The following PRMT8 variants were observed in gnomAD, a reference collection of about 807,000 sequenced individuals.
The protein encoded by PRMT8 is protein arginine N-methyltransferase 8.
Under a neutral mutation model 47.1 loss-of-function variants are expected in PRMT8, and 7 were observed. That is an observed-to-expected ratio of 0.15 (90% CI 0.08 to 0.28). The LOEUF (loss-of-function observed/expected upper bound fraction) is 0.28. Among genes scored for constraint, PRMT8 ranks in the 10% least tolerant of loss-of-function variants. The pLI, the probability that PRMT8 is intolerant of heterozygous loss-of-function variation, is 1.00. For missense variants in PRMT8, 237 were observed against 505.4 expected (o/e 0.47, Z 5.09); for synonymous variants, 188 against 186.5 (o/e 1.01, Z -0.07).
chr12:3,497,233 A>T (rs1865524307), intron 1 of PRMT8, among the ~76,000 whole-genome samples: 1 of 152,148 alleles, frequency 6.6e-6, no homozygotes, highest in African/African-American at 2.4e-5. Flanking sequence ...TGCTGTTGTG[A>T]ACTGGCTTAG....
At chr12:3,587,140 C>T (rs1867195468) in intron 8 of PRMT8, among the ~76,000 whole-genome samples, 1 of 150,396 alleles carries the variant, frequency 6.6e-6, no homozygotes, top group Non-Finnish European at 1.5e-5. Context: ...CATTATTGGA[C>T]CATTCATGGT....
chr12:3,476,039 T>C (rs1419072422), intron 1 of PRMT8, among the ~76,000 whole-genome samples: 3 of 152,234 alleles, frequency 2.0e-5, no homozygotes, highest in Admixed American at 6.5e-5. Flanking sequence ...GACACCTTTA[T>C]AGAGGGACAA....
Position 3,428,894 on chromosome 12 carries a change from GTCTC to G in PRMT8, c.48+47458_48+47461del, listed in dbSNP as rs558747880. Among the ~76,000 whole-genome samples the G allele has an allele frequency of 1.3e-4, 18 of 143,198 alleles. No homozygotes were observed. In the East Asian group the frequency reaches 3.7e-3, roughly 29 times the overall value. The allele number at this position is 143,198 out of a possible 152,430, so 93.9% of individuals were successfully genotyped here. On this transcript the variant is annotated intron_variant, in intron 1 of 9. Coordinates refer to the PRMT8 transcript ENST00000452611. Reference sequence around the variant, plus strand: ...TCTCTGTCTCTTACTCTCTCCGCCTGTCTCTCTCTATCTCTCTTTCCTTGACTCC... The same window carrying G: ...TCTCTGTCTCTTACTCTCTCCGCCTGTCTCTATCTCTCTTTCCTTGACTCC...
chr12:3,515,660 C>T (rs532975041), intron 1 of PRMT8, among the ~76,000 whole-genome samples: 1 of 152,354 alleles, frequency 6.6e-6, no homozygotes, highest in East Asian at 1.9e-4. Context: ...GCACAGAACC[C>T]ACCCACATGC....
Position 3,493,191 on chromosome 12 carries a change from G to T in PRMT8, c.75+1491G>T, listed in dbSNP as rs868853569. On this transcript the variant is annotated intron_variant, in intron 1 of 9. Coordinates refer to ENST00000382622, the MANE Select transcript of PRMT8 (RefSeq NM_019854.5). The surrounding 1 kb of genome is among the most constrained non-coding windows in gnomAD (Gnocchi z 8.2). ...CTCCTTGAGTTAGGGCAAAGCCTGC[G>T]TGCCCGCCGTCCCCTCACCACTTCC... 6.6e-6 allele frequency among the ~76,000 whole-genome samples: 1 copy of T among 152,188 alleles called. No homozygotes were observed. Among genetic ancestry groups the T allele is most frequent in the Non-Finnish European group, 1.5e-5 (1 of 68,034 alleles).
chr12:3,547,714 G>A (rs997913465), intron 2 of PRMT8, among the ~76,000 whole-genome samples: 5 of 152,294 alleles, frequency 3.3e-5, no homozygotes, highest in Admixed American at 3.3e-4. Flanking sequence ...GAATGGAAAT[G>A]TAAGACCTTT....
rs34278124 is a variant in PRMT8 at position 3,568,347 on chromosome 12, TAA to T, written c.482-348_482-347del. Among the ~76,000 whole-genome samples the T allele has an allele frequency of 3.5e-4, 52 of 146,750 alleles. 1 individual carries two copies. The South Asian group carries it at 3.9e-3, about 11-fold the overall frequency. The stretch of plus-strand genomic sequence containing the variant: ...GGGAGGCAGGCACACTTGGTGTAAA[TAA>T]AAAAAAAAAATCTGCGTGTTCGTGG... On this transcript the variant is annotated intron_variant, in intron 4 of 9. Coordinates refer to ENST00000382622, the MANE Select transcript of PRMT8 (RefSeq NM_019854.5).
chr12:3,461,714 G>A (rs943109169), intron 1 of PRMT8, among the ~76,000 whole-genome samples: 3 of 150,156 alleles, frequency 2.0e-5, no homozygotes, highest in Admixed American at 6.6e-5. Flanking sequence ...GGGGCCATTC[G>A]TTTATTTACT....
At chr12:3,464,848 C>G (rs1049670002) in intron 1 of PRMT8, among the ~76,000 whole-genome samples, 4 of 152,018 alleles carry the variant, frequency 2.6e-5, no homozygotes, top group African/African-American at 9.7e-5. Context: ...GCTATGAAAC[C>G]TGACTCCTGC....
intron 1 of PRMT8, among the ~76,000 whole-genome samples, 190 bp downstream of exon 1, chr12:3,491,890 T>TGTGTG (rs1865415257): frequency 1.0e-4 from 1 of 9,730 alleles, no homozygotes; most frequent in Admixed American, 1.2e-3. Context: ...GTGTGTGTGT[T>TGTGTG]GGTGGGGGGT....
chr12:3,588,062 G>A (rs1237785156), intron 8 of PRMT8, among the ~76,000 whole-genome samples: 1 of 152,164 alleles, frequency 6.6e-6, no homozygotes, highest in Admixed American at 6.5e-5. Flanking sequence ...CAGGTGGAAG[G>A]GCAGGAGCCC....
Position 3,394,319 on chromosome 12 carries a change from C to A in PRMT8, c.48+12877C>A, listed in dbSNP as rs553220404. Among the ~76,000 whole-genome samples, 4 of 152,284 alleles carry A rather than the reference C, an allele frequency of 2.6e-5. No homozygotes were observed. In the East Asian group the frequency reaches 7.7e-4, roughly 29 times the overall value. ...TCAAAGGGAATGCTTCCAGTTTTTG[C>A]CCACTCAGTATGATATTGGCTGTGG... On this transcript the variant is annotated intron_variant, in intron 1 of 9. Transcript: ENST00000452611.
intron 4 of PRMT8, among the ~76,000 whole-genome samples, chr12:3,558,996 A>ATCTATCTATCTG: frequency 6.7e-6 from 1 of 148,414 alleles, no homozygotes; most frequent in Middle Eastern, 3.5e-3. Flanking sequence ...CTATCTGTCT[A>ATCTATCTATCTG]TCTATCCTGT....
rs559068689 is a variant in PRMT8 at position 3,514,582 on chromosome 12, A to C, written c.75+22882A>C. 2.0e-5 allele frequency among the ~76,000 whole-genome samples: 3 copies of C among 152,290 alleles called. No homozygotes were observed. Among genetic ancestry groups the C allele is most frequent in the East Asian group, 3.9e-4 (2 of 5,176 alleles). On this transcript the variant is annotated intron_variant, in intron 1 of 9. Transcript: ENST00000382622. This position sits in a 1 kb window ranked among gnomAD's most constrained non-coding sequence, Gnocchi z 5.9. ...TTTTCTGAGTGTGCCAGCATCCCAC[A>C]TGTGCCCTTCCAGTTCACTCTGCAC... is the stretch of plus-strand genomic sequence containing the variant.
chr12:3,457,622 G>GT (rs1864988916), intron 1 of PRMT8, among the ~76,000 whole-genome samples: 1 of 151,940 alleles, frequency 6.6e-6, no homozygotes, highest in Non-Finnish European at 1.5e-5. Flanking sequence ...GCACATCTTT[G>GT]TATCTATAGT....
At chr12:3,563,998 T>C (rs768351459) in intron 4 of PRMT8, among the ~76,000 whole-genome samples, 2 of 152,118 alleles carry the variant, frequency 1.3e-5, no homozygotes, top group Non-Finnish European at 2.9e-5. Context: ...TCTGAATGTT[T>C]GTGAGGAGTC....
At chr12:3,498,536 A>G (rs1219787234) in intron 1 of PRMT8, among the ~76,000 whole-genome samples, 1 of 152,070 alleles carries the variant, frequency 6.6e-6, no homozygotes. Flanking sequence ...GGCCTGACAT[A>G]ATTGTGGCAG....
Position 3,436,341 on chromosome 12 carries a change from G to A in PRMT8, c.48+54899G>A, listed in dbSNP as rs1864740920. 6.6e-6 allele frequency among the ~76,000 whole-genome samples: 1 copy of A among 152,186 alleles called. No individual in the cohort carries two copies. Among genetic ancestry groups the A allele is most frequent in the African/African-American group, 2.4e-5 (1 of 41,450 alleles). On this transcript the variant is annotated intron_variant, in intron 1 of 9. Coordinates refer to the PRMT8 transcript ENST00000452611. The surrounding 1 kb of genome is among the most constrained non-coding windows in gnomAD (Gnocchi z 4.2). ...TACAGTTACCACAGACACAGTGAGT[G>A]ACTTTCAAGTTCATGCCTTTGAAAG... is the stretch of plus-strand genomic sequence containing the variant.
At chr12:3,430,900 G>A (rs1203558600) in intron 1 of PRMT8, among the ~76,000 whole-genome samples, 2 of 152,216 alleles carry the variant, frequency 1.3e-5, no homozygotes, top group Non-Finnish European at 2.9e-5. Context: ...GCATCAGCAG[G>A]AGTAGAGATC....
Sources: gnomAD v4.1 joint callset for allele counts (sites outside exome capture counted in the v4.1 genomes callset) on GRCh38, gnomAD v4.1.1 for gene constraint, Gnocchi (gnomAD v3.1) non-coding constraint, MANE v1.5 for transcripts, NCBI Gene and HGNC (gene_info 2026-07-23, HGNC 2026-07-21) for gene names.